LVRN: variants seen among roughly 807,000 people sequenced by gnomAD.
The protein encoded by LVRN is laeverin, also known as aminopeptidase Q.
LVRN carries 99 observed loss-of-function variants against 111.4 expected under a neutral mutation model. The ratio of observed to expected loss-of-function variants is 0.89; its 90% confidence interval spans 0.76 to 1.05. The LOEUF (loss-of-function observed/expected upper bound fraction) is 1.05. Ranked by LOEUF, LVRN falls within the 50% of genes least tolerant of loss-of-function variation. The pLI, the probability that LVRN is intolerant of heterozygous loss-of-function variation, is 0.00. For synonymous variants in LVRN, 488 were observed against 449.5 expected (o/e 1.09, Z -1.08); for missense variants, 1,414 against 1,206.8 (o/e 1.17, Z -2.54).
intron 10 of LVRN, among the ~76,000 whole-genome samples, chr5:116,001,646 G>T (rs980620343): frequency 3.3e-5 from 5 of 152,128 alleles, no homozygotes; most frequent in African/African-American, 9.7e-5. Context: ...AAACTGAATG[G>T]TAACTATTTC....
At chr5:115,963,947 A>G (rs187960967) in intron 1 of LVRN, among the ~76,000 whole-genome samples, 306 of 151,880 alleles carry the variant, frequency 2.0e-3, no homozygotes, top group African/African-American at 6.9e-3. Flanking sequence ...CATTCAACAA[A>G]CCGCTTGCCC....
At chr5:115,987,515 C>T (rs138095312) in intron 3 of LVRN, among the ~76,000 whole-genome samples, 3 of 152,252 alleles carry the variant, frequency 2.0e-5, no homozygotes, top group South Asian at 4.2e-4. Flanking sequence ...AGAATCTACA[C>T]TTACTGTAGG....
At position 116,001,249 on chromosome 5, in the gene LVRN, T is replaced by G; in HGVS notation, c.1820+10T>G. ...CTCTTCTAACCAGCAAGTAGGTAGC[T>G]TTGCTCCTCTTTGTCTTCACCTTCC... On this transcript the variant is annotated intron_variant, in intron 10 of 19. Coordinates refer to ENST00000357872, the MANE Select transcript of LVRN (RefSeq NM_173800.5). 1 of 1,611,654 alleles carries G rather than the reference T, an allele frequency of 6.2e-7. No homozygotes were observed. Among genetic ancestry groups the G allele is most frequent in the East Asian group, 2.2e-5 (1 of 44,874 alleles).
At chr5:116,000,726 G>T (rs1223110789) in intron 9 of LVRN, 68 bp downstream of exon 9, 13 of 1,533,688 alleles carry the variant, frequency 8.5e-6, no homozygotes, top group African/African-American at 1.4e-5. Flanking sequence ...AGACTGGGAG[G>T]CCATGGGTGA....
In LVRN at chr5:115,987,927, C is replaced by A. The variant is rs1747905676; in HGVS notation, c.1093C>A (p.Leu365Ile). Residue 365 changes from leucine to isoleucine, a missense_variant, in exon 4 of 20, where the codon CTT becomes ATT. Physicochemically the swap from Leu to Ile is conservative, Grantham distance 5. Transcript: ENST00000357872. ...GGATTTGTTTAATATCAGTTACTCT[C>A]TTCCAAAAACAGGTGAGGTAATCTT... ...LEDLFNISYSLPKTDIIALPS... is the reference protein window; with the variant it reads ...LEDLFNISYSIPKTDIIALPS... 1.2e-6 allele frequency: 2 copies of A among 1,608,988 alleles called. No individual in the cohort carries two copies. Among genetic ancestry groups the A allele is most frequent in the Non-Finnish European group, 1.7e-6 (2 of 1,178,468 alleles).
At chr5:116,007,613 T>A (rs534366003) in intron 13 of LVRN, among the ~76,000 whole-genome samples, 1 of 152,328 alleles carries the variant, frequency 6.6e-6, no homozygotes, top group Admixed American at 6.5e-5. Flanking sequence ...ATAAGTCTCA[T>A]CTCTTCATTG....
Position 116,002,906 on chromosome 5 carries a change from G to A in LVRN, c.1892G>A (p.Ser631Asn). The change falls in exon 11 of 20, where the codon AGC (serine) becomes AAC (asparagine). Residue 631 changes from serine to asparagine, a missense_variant. Transcript: ENST00000357872. ...TTQPLVWLDQ[S>N]SKVFPEMQVS... Reference sequence around the variant, plus strand: ...CAACCTTTAGTCTGGCTAGATCAAAGCAGCAGTAAGTAACAAATTTTAAAA... The same window carrying A: ...CAACCTTTAGTCTGGCTAGATCAAAACAGCAGTAAGTAACAAATTTTAAAA... 6.3e-7 allele frequency: 1 copy of A among 1,599,248 alleles called. No homozygotes were observed. Among genetic ancestry groups the A allele is most frequent in the Non-Finnish European group, 8.6e-7 (1 of 1,168,576 alleles).
intron 15 of LVRN, among the ~76,000 whole-genome samples, chr5:116,013,848 C>T (rs531479486): frequency 1.3e-5 from 2 of 152,308 alleles, no homozygotes; most frequent in African/African-American, 4.8e-5. Flanking sequence ...GTACAGTGTA[C>T]ACCCCTGCTC....
At chr5:115,974,337 G>A (rs1753390826) in intron 1 of LVRN, among the ~76,000 whole-genome samples, 1 of 152,172 alleles carries the variant, frequency 6.6e-6, no homozygotes. Context: ...TAGAGTTTAG[G>A]TAATAGTAAA....
In LVRN at chr5:116,015,707, G is replaced by A. The variant is rs1180312361; in HGVS notation, c.2698G>A (p.Val900Ile). Residue 900 changes from valine (V) to isoleucine (I), a missense_variant, in exon 18 of 20, where the codon GTT becomes ATT. Coordinates refer to ENST00000357872, the MANE Select transcript of LVRN (RefSeq NM_173800.5). ...NIIEVVASSE[V>I]GRYVAKDFLV... ...AATTGAGGTTGTGGCTTCATCTGAA[G>A]TTGGCCGGTATGTCGCAAAAGACTT... is the stretch of plus-strand genomic sequence containing the variant. The A allele has an allele frequency of 6.2e-7, 1 of 1,613,480 alleles. No homozygotes were observed. The highest frequency in any genetic ancestry group is 1.1e-5 in the South Asian group (1 of 90,950).
intron 10 of LVRN, among the ~76,000 whole-genome samples, chr5:116,001,693 G>C (rs1748243001): frequency 1.3e-5 from 2 of 152,212 alleles, no homozygotes; most frequent in South Asian, 2.1e-4. Flanking sequence ...GTGCACGGAT[G>C]TGTGTGGATG....
intron 18 of LVRN, among the ~76,000 whole-genome samples, chr5:116,017,468 G>C (rs1748626300): frequency 6.6e-6 from 1 of 152,186 alleles, no homozygotes; most frequent in East Asian, 1.9e-4. Flanking sequence ...AACTAGAGCA[G>C]TGTAGCAAAG....
chr5:116,007,734 A>G (rs1271429716), intron 13 of LVRN, among the ~76,000 whole-genome samples: 1 of 152,172 alleles, frequency 6.6e-6, no homozygotes, highest in African/African-American at 2.4e-5. Context: ...CAAATTGAAG[A>G]TTTGTGATAA....
At chr5:116,004,308 A>C (rs1373734462) in intron 12 of LVRN, among the ~76,000 whole-genome samples, 1 of 152,244 alleles carries the variant, frequency 6.6e-6, no homozygotes, top group Non-Finnish European at 1.5e-5. Flanking sequence ...TAACTGGATT[A>C]AACTAAATTT....
Position 115,993,714 on chromosome 5 carries a change from C to G in LVRN, c.1261-27C>G, listed in dbSNP as rs769967045. ...AACTTAAAAATTAAATTTAAGAAAG[C>G]TCTTTTTTTCTTCTCATTTCCAAAA... On this transcript the variant is annotated intron_variant, in intron 5 of 19. Coordinates refer to ENST00000357872, the MANE Select transcript of LVRN (RefSeq NM_173800.5). 4 of 1,415,224 alleles carry G rather than the reference C, an allele frequency of 2.8e-6. No individual in the cohort carries two copies. The East Asian group carries it at 9.2e-5, about 33-fold the overall frequency. The allele number at this position is 1,415,224 out of a possible 1,614,324, so 87.7% of individuals were successfully genotyped here.
chr5:115,962,974 G>A lies in LVRN; in HGVS notation c.357G>A (p.Glu119=). 1 of 1,613,384 alleles carries A rather than the reference G, an allele frequency of 6.2e-7. No individual in the cohort carries two copies. ...LELWPQLRPD[E]LPAGSLPFTG... ...TGTGGCCGCAGCTGAGGCCCGACGA[G>A]CTTCCGGCCGGGTCTTTGCCCTTCA... Residue 119 remains glutamate (E), a synonymous_variant, in exon 1 of 20, where the codon GAG becomes GAA. Transcript: ENST00000357872.
At chr5:116,025,186 C>T (rs1357969188) in intron 19 of LVRN, among the ~76,000 whole-genome samples, 6 of 152,096 alleles carry the variant, frequency 3.9e-5, no homozygotes, top group African/African-American at 1.4e-4. Context: ...AGGATTGTTC[C>T]TGGCTCTTTA....
chr5:116,001,220 C>T lies in LVRN; in HGVS notation c.1801C>T (p.Arg601Trp), dbSNP rs116763327. The T allele has an allele frequency of 7.8e-4, 1,260 of 1,613,810 alleles. 8 individuals are homozygous for T. In the African/African-American group the frequency reaches 0.012, roughly 15 times the overall value. Residue 601 changes from arginine (R) to tryptophan (W), a missense_variant, in exon 10 of 20, where the codon CGG becomes TGG. By Grantham distance (101) the Arg-to-Trp change is moderately radical. Transcript: ENST00000357872. ...ATTTTATCTTGAAAACATTAAAAAT[C>T]GGACTCTTCTAACCAGCAAGTAGGT... ...EPFYLENIKN[R>W]TLLTSNDTWI...
chr5:116,001,855 A>G (rs1202200165), intron 10 of LVRN, among the ~76,000 whole-genome samples: 1 of 152,228 alleles, frequency 6.6e-6, no homozygotes, highest in Non-Finnish European at 1.5e-5. Context: ...TCTATAAAAT[A>G]CATGCAATAG....
Sources: allele counts gnomAD v4.1 joint callset (sites outside exome capture counted in the v4.1 genomes callset), GRCh38; gene constraint gnomAD v4.1.1; transcripts MANE v1.5; gene names NCBI Gene and HGNC (gene_info 2026-07-23, HGNC 2026-07-21).